Variants in TMEM132D observed in about 807,000 individuals in gnomAD.
The protein encoded by TMEM132D is mature OL transmembrane protein.
In TMEM132D, 21 loss-of-function variants were observed where a neutral mutation model predicts 62.3. The observed-to-expected ratio is 0.34, with a 90% CI of 0.24 to 0.49. TMEM132D has a LOEUF of 0.49. Ranked by LOEUF, TMEM132D falls within the 20% of genes least tolerant of loss-of-function variation. TMEM132D has a pLI of 0.99. For missense variants in TMEM132D, 1,346 were observed against 1,402.8 expected (o/e 0.96, Z 0.65); for synonymous variants, 621 against 575.6 (o/e 1.08, Z -1.13).
At chr12:129,483,285 A>G (rs6486475) in intron 3 of TMEM132D, among the ~76,000 whole-genome samples, 87,626 of 152,002 alleles carry the variant, frequency 0.58, 26,700 homozygotes, top group African/African-American at 0.79. Context: ...GCTTCCTATT[A>G]GAAGCTTCCA....
chr12:129,499,090 C>T (rs897150920), intron 3 of TMEM132D, among the ~76,000 whole-genome samples: 1 of 152,198 alleles, frequency 6.6e-6, no homozygotes, highest in East Asian at 1.9e-4. Context: ...GGAGCTGGAA[C>T]TAGTATAGGA....
intron 2 of TMEM132D, among the ~76,000 whole-genome samples, chr12:129,548,071 G>A (rs746253321): frequency 2.0e-5 from 3 of 152,192 alleles, no homozygotes; most frequent in Non-Finnish European, 4.4e-5. Context: ...AGCCTGTGCT[G>A]ATAGGAATTT....
chr12:129,166,914 A>C (rs1877578810), intron 5 of TMEM132D, among the ~76,000 whole-genome samples: 3 of 152,130 alleles, frequency 2.0e-5, no homozygotes, highest in Admixed American at 1.3e-4. Context: ...TTGTAATCCC[A>C]GCACTTTGGG....
At chr12:129,528,384 T>C (rs1394390329) in intron 3 of TMEM132D, among the ~76,000 whole-genome samples, 1 of 150,732 alleles carries the variant, frequency 6.6e-6, no homozygotes, top group Non-Finnish European at 1.5e-5. Flanking sequence ...TAAAAATCTC[T>C]ATTTTAGTTG....
At chr12:129,696,047 C>A (rs1328568053) in intron 2 of TMEM132D, among the ~76,000 whole-genome samples, 1 of 152,170 alleles carries the variant, frequency 6.6e-6, no homozygotes, top group African/African-American at 2.4e-5. Flanking sequence ...AACACAGGTT[C>A]AAAGGTTACA....
intron 5 of TMEM132D, among the ~76,000 whole-genome samples, chr12:129,196,998 A>G (rs1468156240): frequency 1.3e-5 from 2 of 152,164 alleles, no homozygotes; most frequent in Admixed American, 6.5e-5. Flanking sequence ...GAAAAGGCCC[A>G]GTAGAGTCCA....
chr12:129,436,856 C>T (rs1872800711), intron 3 of TMEM132D, among the ~76,000 whole-genome samples: 1 of 152,040 alleles, frequency 6.6e-6, no homozygotes, highest in Non-Finnish European at 1.5e-5. Context: ...CAGCTTGGGT[C>T]AGGTGAGGAA....
At chr12:129,347,383 A>G (rs565056990) in intron 3 of TMEM132D, among the ~76,000 whole-genome samples, 1 of 152,324 alleles carries the variant, frequency 6.6e-6, no homozygotes, top group South Asian at 2.1e-4. Flanking sequence ...GGAACAGAAT[A>G]GAGACCTCTG....
intron 4 of TMEM132D, among the ~76,000 whole-genome samples, chr12:129,330,767 T>C (rs1339385039): frequency 6.6e-6 from 1 of 152,200 alleles, no homozygotes; most frequent in Non-Finnish European, 1.5e-5. Flanking sequence ...CTTTAATACA[T>C]AATTTTCCTT....
At chr12:129,343,306 C>T (rs1171080578) in intron 3 of TMEM132D, among the ~76,000 whole-genome samples, 5 of 151,966 alleles carry the variant, frequency 3.3e-5, no homozygotes, top group African/African-American at 9.7e-5. Flanking sequence ...AACCATCATT[C>T]TCAGCAAACT....
intron 1 of TMEM132D, among the ~76,000 whole-genome samples, chr12:129,739,042 G>C (rs760656762): frequency 6.6e-6 from 1 of 152,086 alleles, no homozygotes; most frequent in Admixed American, 6.6e-5. Context: ...TTAAGAAGAC[G>C]ACAAAAGCTC....
intron 5 of TMEM132D, among the ~76,000 whole-genome samples, chr12:129,098,746 T>C (rs1453589286): frequency 6.6e-6 from 1 of 152,226 alleles, no homozygotes; most frequent in Non-Finnish European, 1.5e-5. Context: ...TGGAGTCTAA[T>C]GCCCTTGCCT....
At chr12:129,775,505 G>A (rs189756662) in intron 1 of TMEM132D, among the ~76,000 whole-genome samples, 52 of 152,250 alleles carry the variant, frequency 3.4e-4, no homozygotes, top group Admixed American at 2.6e-3. Flanking sequence ...TGCAGTTTTC[G>A]AGGCTGTCAC....
intron 3 of TMEM132D, among the ~76,000 whole-genome samples, chr12:129,380,531 A>G (rs1870915140): frequency 6.6e-6 from 1 of 151,128 alleles, no homozygotes; most frequent in African/African-American, 2.4e-5. Flanking sequence ...CACAGATCTT[A>G]GATTTCTCGG....
Position 129,707,590 on chromosome 12 carries a change from A to C in TMEM132D, c.80-6892T>G, listed in dbSNP as rs76051384. Among the ~76,000 whole-genome samples the C allele has an allele frequency of 8.4e-3, 1,281 of 152,314 alleles. 12 individuals are homozygous for C. The highest frequency in any genetic ancestry group is 0.014 in the Non-Finnish European group (967 of 68,028). The stretch of plus-strand genomic sequence containing the variant: ...AAAAGAATGTGTTGAAGCTGTCCCC[A>C]ATACTTTTGGAAAGGTAAAGTTCTT... On this transcript the variant is annotated intron_variant, in intron 1 of 8. Coordinates refer to ENST00000422113, the MANE Select transcript of TMEM132D (RefSeq NM_133448.3).
At chr12:129,717,063 ATGGCGAC>A (rs1440597289) in intron 1 of TMEM132D, among the ~76,000 whole-genome samples, 1 of 152,130 alleles carries the variant, frequency 6.6e-6, no homozygotes. Context: ...GTGCAGTCTC[ATGGCGAC>A]CAGCACAGCT....
At chr12:129,489,973 AC>A (rs1047314586) in intron 3 of TMEM132D, among the ~76,000 whole-genome samples, 3 of 152,166 alleles carry the variant, frequency 2.0e-5, no homozygotes, top group African/African-American at 7.2e-5. Context: ...GTCAACAGGG[AC>A]CCTTGGGGAC....
chr12:129,295,665 C>A (rs1406371040), intron 4 of TMEM132D, among the ~76,000 whole-genome samples: 1 of 151,990 alleles, frequency 6.6e-6, no homozygotes, highest in Non-Finnish European at 1.5e-5. Flanking sequence ...CATAAAAAGT[C>A]ATCCCACTGT....
chr12:129,723,942 C>A (rs1190593642), intron 1 of TMEM132D, among the ~76,000 whole-genome samples: 1 of 152,204 alleles, frequency 6.6e-6, no homozygotes. Flanking sequence ...ATTCCAGAAC[C>A]GGTGACTATG....
Sources: allele counts gnomAD v4.1 joint callset (sites outside exome capture counted in the v4.1 genomes callset), GRCh38; gene constraint gnomAD v4.1.1; transcripts MANE v1.5; gene names NCBI Gene and HGNC (gene_info 2026-07-23, HGNC 2026-07-21).